Variants in AUTS2 observed in about 807,000 individuals in gnomAD.
The protein encoded by AUTS2 is autism susceptibility gene 2 protein.
In AUTS2, 17 loss-of-function variants were observed where a neutral mutation model predicts 112.4. That is an observed-to-expected ratio of 0.15 (90% CI 0.10 to 0.23). The LOEUF is 0.23. AUTS2 is among the 10% of genes least tolerant of loss of function. The probability of loss-of-function intolerance (pLI) is 1.00; values close to 1 mark genes in which losing one functional copy is unlikely to be tolerated. For synonymous variants in AUTS2, 751 were observed against 702.7 expected, an observed-to-expected ratio of 1.07 and a Z score of -1.09; for missense variants, 1,510 against 1,701.6, an observed-to-expected ratio of 0.89 and a Z score of 1.98.
At chr7:70,133,443 T>G (rs924200526) in intron 3 of AUTS2, among the ~76,000 whole-genome samples, 1 of 152,188 alleles carries the variant, frequency 6.6e-6, no homozygotes, top group Middle Eastern at 3.2e-3. Flanking sequence ...GAAGCAATGA[T>G]GAAAAAGCCA....
At chr7:70,377,629 C>G (rs1430227694) in intron 4 of AUTS2, among the ~76,000 whole-genome samples, 2 of 151,664 alleles carry the variant, frequency 1.3e-5, no homozygotes, top group African/African-American at 4.8e-5. Context: ...TAAACAATAA[C>G]TCTCCATTCT....
intron 5 of AUTS2, among the ~76,000 whole-genome samples, chr7:70,492,076 C>T (rs1383855341): frequency 1.3e-5 from 2 of 152,138 alleles, no homozygotes; most frequent in Non-Finnish European, 2.9e-5. Context: ...GTTGGAAGCT[C>T]CTCCACCCCA....
At chr7:69,663,179 TG>T (rs1223941087) in intron 1 of AUTS2, 1 of 152,234 alleles carries the variant, frequency 6.6e-6, no homozygotes, top group East Asian at 1.9e-4. Context: ...GTACTCTTAT[TG>T]TCAAATAGCT....
rs115232810 is a variant in AUTS2, at chr7:69,833,872, T to C, written c.310-65414T>C. On this transcript the variant is annotated intron_variant, in intron 1 of 18. Coordinates refer to ENST00000342771, the MANE Select transcript of AUTS2 (RefSeq NM_015570.4). ...TAAAAGGTTACTTCACAGAAAATTA[T>C]ATCCACACTCATGATAGAATCATTT... Among the ~76,000 whole-genome samples the C allele has an allele frequency of 6.1e-3, 937 of 152,358 alleles. 7 individuals are homozygous for C. The highest frequency in any genetic ancestry group is 0.021 in the African/African-American group (875 of 41,582).
intron 1 of AUTS2, among the ~76,000 whole-genome samples, chr7:69,602,409 G>T (rs887741754): frequency 7.2e-5 from 11 of 152,144 alleles, no homozygotes; most frequent in East Asian, 3.9e-4. Flanking sequence ...GGTAGAAAAG[G>T]TCTAACTTTT....
rs750480720 is a variant in AUTS2, at chr7:70,763,128, C to A, written c.1001C>A (p.Pro334His). 1 of 1,614,002 alleles carries A rather than the reference C, an allele frequency of 6.2e-7. No individual in the cohort carries two copies. Among genetic ancestry groups the A allele is most frequent in the Non-Finnish European group, 8.5e-7 (1 of 1,179,976 alleles). ...CAGCGCACAGAGGCCCCACCTCAAC[C>A]CCCACCTCTGAGTACACAGCCACCA... is the stretch of plus-strand genomic sequence containing the variant. ...LVQRTEAPPQ[P>H]PPLSTQPPQG... The change falls in exon 7 of 19, where the codon CCC becomes CAC. Residue 334 changes from proline (P) to histidine (H), a missense_variant. Around this residue, in one of 3 missense-constraint regions of AUTS2, gnomAD observed 535 missense variants for 594.3 expected, o/e 0.90. Transcript: ENST00000342771.
intron 2 of AUTS2, among the ~76,000 whole-genome samples, chr7:69,921,626 C>T (rs2129542899): frequency 6.6e-6 from 1 of 151,300 alleles, no homozygotes; most frequent in South Asian, 2.1e-4. Context: ...CAAAAATTAG[C>T]CAGGCTTGGT....
chr7:70,752,590 C>T (rs1788936920), intron 6 of AUTS2, among the ~76,000 whole-genome samples: 1 of 152,198 alleles, frequency 6.6e-6, no homozygotes, highest in African/African-American at 2.4e-5. Flanking sequence ...GGTTCTTTGA[C>T]TACCATTTCC....
intron 4 of AUTS2, among the ~76,000 whole-genome samples, chr7:70,392,064 C>A (rs568624911): frequency 6.6e-6 from 1 of 152,128 alleles, no homozygotes; most frequent in Non-Finnish European, 1.5e-5. Flanking sequence ...ATTGCCTGAC[C>A]ACCTTCAAAA....
At chr7:70,027,849 C>G (rs761789215) in intron 2 of AUTS2, among the ~76,000 whole-genome samples, 1 of 151,324 alleles carries the variant, frequency 6.6e-6, no homozygotes, top group Non-Finnish European at 1.5e-5. Flanking sequence ...TGTTTAAGTA[C>G]AAGGAACTCA....
chr7:70,023,544 AT>A (rs1014063980), intron 2 of AUTS2, among the ~76,000 whole-genome samples: 2 of 152,188 alleles, frequency 1.3e-5, no homozygotes, highest in African/African-American at 4.8e-5. Flanking sequence ...TGATTTCCTC[AT>A]CTGTAAAGTG....
intron 1 of AUTS2, among the ~76,000 whole-genome samples, chr7:69,637,395 A>T (rs1794598527): frequency 6.6e-6 from 1 of 152,172 alleles, no homozygotes; most frequent in Non-Finnish European, 1.5e-5. Context: ...GAGAGTATTG[A>T]CTCAGAAGTG....
At chr7:70,571,556 G>A (rs1801941211) in intron 5 of AUTS2, among the ~76,000 whole-genome samples, 1 of 152,196 alleles carries the variant, frequency 6.6e-6, no homozygotes, top group South Asian at 2.1e-4. Flanking sequence ...TTTCACTAGA[G>A]TCAATAAGGA....
Position 70,615,565 on chromosome 7 carries a change from C to CGTTG in AUTS2, c.691-83004_691-83003insGTTG, listed in dbSNP as rs368083140. On this transcript the variant is annotated intron_variant, in intron 5 of 18. Coordinates refer to ENST00000342771, the MANE Select transcript of AUTS2 (RefSeq NM_015570.4). ...AAAAAAACCTCTAGAAGATTTATGG[C>CGTTG]TTGTTGTTGTTGTTGTTGTTGTTGT... 5.0e-3 allele frequency among the ~76,000 whole-genome samples: 743 copies of CGTTG among 148,586 alleles called. 3 individuals carry two copies. Among genetic ancestry groups the CGTTG allele is most frequent in the African/African-American group, 0.017 (678 of 40,292 alleles).
chr7:70,342,509 G>C (rs1378013648), intron 4 of AUTS2, among the ~76,000 whole-genome samples: 1 of 152,056 alleles, frequency 6.6e-6, no homozygotes, highest in Non-Finnish European at 1.5e-5. Context: ...CATGATGTTG[G>C]AAGTGTTCTG....
intron 2 of AUTS2, among the ~76,000 whole-genome samples, chr7:69,927,550 A>G (rs779128631): frequency 1.3e-5 from 2 of 152,078 alleles, no homozygotes; most frequent in Admixed American, 1.3e-4. Flanking sequence ...AGTTTTTCTC[A>G]TTCCTGCTGG....
At chr7:70,556,500 G>T (rs1801255616) in intron 5 of AUTS2, among the ~76,000 whole-genome samples, 2 of 152,198 alleles carry the variant, frequency 1.3e-5, no homozygotes, top group South Asian at 4.1e-4. Flanking sequence ...GACAATCGCA[G>T]CTGTGATCAA....
At chr7:70,546,393 G>A (rs543678081) in intron 5 of AUTS2, among the ~76,000 whole-genome samples, 5 of 152,162 alleles carry the variant, frequency 3.3e-5, no homozygotes, top group African/African-American at 9.6e-5. Context: ...GCAGTGAGCC[G>A]AGATTGCACC....
At chr7:69,702,800 A>G (rs1024586065) in intron 1 of AUTS2, among the ~76,000 whole-genome samples, 5 of 152,168 alleles carry the variant, frequency 3.3e-5, no homozygotes, top group East Asian at 1.9e-4. Context: ...TGCATGTTCA[A>G]TGTTTGGAAG....
Sources: gnomAD v4.1 joint callset for allele counts (sites outside exome capture counted in the v4.1 genomes callset) on GRCh38, gnomAD v4.1.1 for gene constraint, gnomAD v4.1.1 regional missense constraint, MANE v1.5 for transcripts, NCBI Gene and HGNC (gene_info 2026-07-23, HGNC 2026-07-21) for gene names.